ZNF684: variants seen among roughly 807,000 people sequenced by gnomAD.
ZNF684 encodes hypothetical protein MGC27466.
Under a neutral mutation model 12.8 loss-of-function variants are expected in ZNF684, and 13 were observed. The observed-to-expected ratio is 1.02, with a 90% CI of 0.66 to 1.62. The LOEUF is 1.62. ZNF684 is among the 40% of genes most tolerant of loss of function. ZNF684 has a pLI of 0.00. For synonymous variants in ZNF684, 118 were observed against 151.8 expected (o/e 0.78, Z 1.64); for missense variants, 384 against 446.9 (o/e 0.86, Z 1.27).
At chr1:40,542,767 C>T (rs77142967) in intron 4 of ZNF684, among the ~76,000 whole-genome samples, 22,498 of 152,098 alleles carry the variant, frequency 0.15, 1,847 homozygotes, top group Middle Eastern at 0.24. Context: ...GTCTCAAAAC[C>T]ACTGCATTAA....
At chr1:40,533,823 C>CT (rs574077502) in intron 2 of ZNF684, among the ~76,000 whole-genome samples, 9,036 of 123,864 alleles carry the variant, frequency 0.073, 1,168 homozygotes, top group African/African-American at 0.26. Flanking sequence ...GTTAGGTATT[C>CT]TTTTTTTTTT....
chr1:40,539,953 T>C lies in ZNF684; in HGVS notation c.16-633T>C, dbSNP rs200952667. 2.6e-5 allele frequency among the ~76,000 whole-genome samples: 4 copies of C among 151,564 alleles called. No individual in the cohort carries two copies. In the East Asian group the frequency reaches 7.7e-4, roughly 29 times the overall value. On this transcript the variant is annotated intron_variant, in intron 2 of 4. Coordinates refer to ENST00000372699, the MANE Select transcript of ZNF684 (RefSeq NM_152373.4). ...GTTGTCTGTTTATTGTTGATTTTTT[T>C]CTCCCCTCCCCCTATTGTTGAATTT...
chr1:40,537,569 G>A (rs1645992263), intron 2 of ZNF684, among the ~76,000 whole-genome samples: 1 of 151,960 alleles, frequency 6.6e-6, no homozygotes, highest in African/African-American at 2.4e-5. Flanking sequence ...GTGAAACTCC[G>A]TCTCTACTAA....
intron 4 of ZNF684, 74 bp downstream of exon 4, chr1:40,541,784 G>T: frequency 8.0e-7 from 1 of 1,255,198 alleles, no homozygotes; most frequent in South Asian, 1.3e-5. Flanking sequence ...AGGAAGTTCT[G>T]AAATACTCTT....
chr1:40,544,715 T>G (rs1029766785), intron 4 of ZNF684: 1 of 153,520 alleles, frequency 6.5e-6, no homozygotes. Flanking sequence ...ACATTAACAT[T>G]GCAGTTTTGT....
chr1:40,536,410 G>GA (rs71577627), intron 2 of ZNF684, among the ~76,000 whole-genome samples: 22 of 109,244 alleles, frequency 2.0e-4, no homozygotes, highest in African/African-American at 3.5e-4. Flanking sequence ...AAAAAAAAAA[G>GA]AAAAAAAAAA....
At chr1:40,533,288 C>A (rs1645967299) in intron 2 of ZNF684, 107 bp downstream of exon 2, 2 of 1,173,604 alleles carry the variant, frequency 1.7e-6, no homozygotes, top group African/African-American at 3.1e-5. Flanking sequence ...AAGATCAAGT[C>A]TAAAAGGAAA....
Position 40,546,609 on chromosome 1 carries a change from A to T in ZNF684, c.286A>T (p.Lys96Ter). ...TGAACCAGGGAAGCATCGGGAAAGC[A>T]AAGACAATTTTTTGAAGTCAGTTTT... ...VDEPGKHRES[K>*]DNFLKSVLLT... is the part of the protein sequence containing the mutation. The change falls in exon 5 of 5, where the codon AAA becomes TAA. Residue 96 changes from lysine (K) to a stop codon, truncating the protein, a stop_gained. Transcript: ENST00000372699. LOFTEE classifies it low-confidence loss of function (END_TRUNC). 1 of 1,587,688 alleles carries T rather than the reference A, an allele frequency of 6.3e-7. No homozygotes were observed. The highest frequency in any genetic ancestry group is 8.6e-7 in the Non-Finnish European group (1 of 1,169,044).
chr1:40,544,760 T>A (rs2124512087), intron 4 of ZNF684: 1 of 153,108 alleles, frequency 6.5e-6, no homozygotes, highest in South Asian at 2.0e-4. Context: ...ACAGCAGCAG[T>A]GACTATCTTA....
At chr1:40,540,405 T>TGTTTAATAA (rs1348160559) in intron 2 of ZNF684, among the ~76,000 whole-genome samples, 181 bp from the exon 3 acceptor site, 41 of 152,336 alleles carry the variant, frequency 2.7e-4, no homozygotes, top group African/African-American at 8.7e-4. Context: ...CAGTTGGATA[T>TGTTTAATAA]GTTTAATAAG....
At chr1:40,536,453 G>A (rs1156747845) in intron 2 of ZNF684, among the ~76,000 whole-genome samples, 2 of 147,618 alleles carry the variant, frequency 1.4e-5, no homozygotes, top group African/African-American at 5.0e-5. Context: ...GTATCCATGT[G>A]TTCCTATTTT....
In ZNF684 at chr1:40,547,275, C is replaced by T; in HGVS notation, c.952C>T (p.Gln318Ter). ...FGNTSVLVTH[Q>*]RIHTGEKPYS... ...CAACACATCCGTGCTTGTTACACAC[C>T]AAAGAATTCATACAGGAGAGAAACC... Residue 318 changes from glutamine (Q) to a stop codon, truncating the protein, a stop_gained, in exon 5 of 5, where the codon CAA (glutamine) becomes TAA (stop). Coordinates refer to ENST00000372699, the MANE Select transcript of ZNF684 (RefSeq NM_152373.4). LOFTEE classifies it low-confidence loss of function (END_TRUNC). 6.2e-7 allele frequency: 1 copy of T among 1,614,092 alleles called. No homozygotes were observed. The highest frequency in any genetic ancestry group is 1.3e-5 in the African/African-American group (1 of 75,020).
chr1:40,532,593 G>A (rs1208551166), intron 1 of ZNF684, among the ~76,000 whole-genome samples: 3 of 151,230 alleles, frequency 2.0e-5, no homozygotes, highest in Non-Finnish European at 2.9e-5. Context: ...AGGAGATGGC[G>A]AGTTTCTACA....
chr1:40,533,271 C>A, intron 2 of ZNF684, 90 bp downstream of exon 2: 3 of 1,282,078 alleles, frequency 2.3e-6, no homozygotes, highest in Non-Finnish European at 3.3e-6. Context: ...AAATGTAAAC[C>A]AAATAAAAGA....
Position 40,547,503 on chromosome 1 carries a change from T to A in ZNF684, c.*43T>A. ...TGAGAAGGCCTTATTAAATATTTGC[T>A]AAATCTTATTAAATACTAAAGAATT... On this transcript the variant is annotated 3_prime_UTR_variant, in exon 5 of 5. Coordinates refer to ENST00000372699, the MANE Select transcript of ZNF684 (RefSeq NM_152373.4). 6.9e-7 allele frequency: 1 copy of A among 1,453,782 alleles called. No individual in the cohort carries two copies. The highest frequency in any genetic ancestry group is 9.2e-7 in the Non-Finnish European group (1 of 1,088,436). The allele number at this position is 1,453,782 out of a possible 1,614,324, so 90.1% of individuals were successfully genotyped here.
chr1:40,539,896 G>A (rs1164198171), intron 2 of ZNF684, among the ~76,000 whole-genome samples: 4 of 151,476 alleles, frequency 2.6e-5, no homozygotes, highest in South Asian at 2.1e-4. Context: ...TTGGAGAAAT[G>A]TCTCTAAATC....
At position 40,546,547 on chromosome 1, in the gene ZNF684, T is replaced by G. The variant is rs777277151; in HGVS notation, c.239-15T>G. 6.6e-7 allele frequency: 1 copy of G among 1,521,214 alleles called. No homozygotes were observed. Among genetic ancestry groups the G allele is most frequent in the Non-Finnish European group, 8.8e-7 (1 of 1,140,268 alleles). The allele number at this position is 1,521,214 out of a possible 1,614,324, so 94.2% of individuals were successfully genotyped here. Reference sequence around the variant, plus strand: ...GAAAAAGTAACTAGGAATGTTTTGTTGTACTCCTTTTTAGAATCTGACTAC... The same window carrying G: ...GAAAAAGTAACTAGGAATGTTTTGTGGTACTCCTTTTTAGAATCTGACTAC... On this transcript the variant is annotated splice_polypyrimidine_tract_variant and intron_variant, in intron 4 of 4. Coordinates refer to ENST00000372699, the MANE Select transcript of ZNF684 (RefSeq NM_152373.4).
chr1:40,541,754 C>A, intron 4 of ZNF684, 44 bp downstream of exon 4: 3 of 1,524,864 alleles, frequency 2.0e-6, no homozygotes, highest in Non-Finnish European at 2.7e-6. Context: ...AGTTGAGATC[C>A]CCATTGGTCA....
chr1:40,546,799 ATGAATGCAG>A lies in ZNF684; in HGVS notation c.484_492del (p.Ser162_Cys164del). The stretch of plus-strand genomic sequence containing the variant: ...AGAAGTTATACTGTAGAAAACGCTT[ATGAATGCAG>A]TGAATGCGGGAAAGCCTTCAAAAAG... On this transcript the variant is annotated inframe_deletion, in exon 5 of 5. Coordinates refer to ENST00000372699, the MANE Select transcript of ZNF684 (RefSeq NM_152373.4). 6 of 1,611,832 alleles carry A rather than the reference ATGAATGCAG, an allele frequency of 3.7e-6. No homozygotes were observed. The highest frequency in any genetic ancestry group is 5.1e-6 in the Non-Finnish European group (6 of 1,179,472).
Sources: gnomAD v4.1 joint callset for allele counts (sites outside exome capture counted in the v4.1 genomes callset) on GRCh38, gnomAD v4.1.1 for gene constraint, MANE v1.5 for transcripts, NCBI Gene and HGNC (gene_info 2026-07-23, HGNC 2026-07-21) for gene names.